Variants in CMTR1 observed in about 807,000 individuals in gnomAD.
CMTR1 encodes cap methyltransferase 1.
In CMTR1, 39 loss-of-function variants were observed where a neutral mutation model predicts 107.0. That is an observed-to-expected ratio of 0.36 (90% confidence interval 0.28 to 0.48). The LOEUF is 0.48. CMTR1 is among the 20% of genes least tolerant of loss of function. CMTR1 has a pLI of 0.99. For synonymous variants in CMTR1, 366 were observed against 379.5 expected, an observed-to-expected ratio of 0.96 and a Z score of 0.41; for missense variants, 672 against 1,064.9, an observed-to-expected ratio of 0.63 and a Z score of 5.14.
At position 37,481,145 on chromosome 6, in the gene CMTR1, C is replaced by G; in HGVS notation, c.*1000C>G. On this transcript the variant is annotated 3_prime_UTR_variant, in exon 24 of 24. Transcript: ENST00000373451. ...GGAGGTACAATCTGCTTTTGTTTGT[C>G]GTTAAGTGGTCACTCCCATTTCCTT... The G allele has an allele frequency of 1.5e-6, 2 of 1,303,172 alleles. No individual in the cohort carries two copies. The highest frequency in any genetic ancestry group is 2.1e-4 in the Middle Eastern group (1 of 4,694). The allele number at this position is 1,303,172 out of a possible 1,614,324, so 80.7% of individuals were successfully genotyped here. A position where few individuals can be genotyped will look rare whatever the true frequency, so the allele number is the denominator to read the frequency against.
rs1463827997 is a variant in CMTR1, at chr6:37,474,608, C to T, written c.1906C>T (p.Leu636=). The T allele has an allele frequency of 1.9e-6, 3 of 1,613,996 alleles. No homozygotes were observed. The African/African-American group carries it at 4.0e-5, about 22-fold the overall frequency. Residue 636 remains leucine (L), a synonymous_variant, in exon 18 of 24, where the codon CTG becomes TTG. Transcript: ENST00000373451. ...DLKTELPRDT[L]LSVEIVHELK... is the part of the protein sequence containing the mutation. ...GAAGACAGAGCTGCCCCGGGACACTCTGCTATCTGTGGAAATTGTGCATGA... is the reference window on the plus strand; with the variant it reads ...GAAGACAGAGCTGCCCCGGGACACTTTGCTATCTGTGGAAATTGTGCATGA...
At position 37,454,909 on chromosome 6, in the gene CMTR1, C is replaced by A. The variant is rs534969281; in HGVS notation, c.777+1597C>A. 6.6e-4 allele frequency among the ~76,000 whole-genome samples: 101 copies of A among 152,232 alleles called. 1 individual carries two copies. Among genetic ancestry groups the A allele is most frequent in the African/African-American group, 2.4e-3 (101 of 41,532 alleles). On this transcript the variant is annotated intron_variant, in intron 8 of 23. Transcript: ENST00000373451. Reference sequence around the variant, plus strand: ...TGTGGTTTTCAGGCCAGCAGAGACACTAGAGCAGTCCCCAGCAGAAGAGGG... The same window carrying A: ...TGTGGTTTTCAGGCCAGCAGAGACAATAGAGCAGTCCCCAGCAGAAGAGGG...
chr6:37,435,933 CCTA>C (rs1322551518), intron 2 of CMTR1, among the ~76,000 whole-genome samples, 171 bp downstream of exon 2: 1 of 152,218 alleles, frequency 6.6e-6, no homozygotes, highest in African/African-American at 2.4e-5. Flanking sequence ...CTGCCATTCT[CCTA>C]CTAAGAGTGG....
At chr6:37,434,176 T>A (rs186808735) in intron 1 of CMTR1, among the ~76,000 whole-genome samples, 187 of 152,142 alleles carry the variant, frequency 1.2e-3, no homozygotes, top group African/African-American at 4.1e-3. Context: ...TTGCTCAGTG[T>A]CTCCGGTTCT....
Position 37,435,685 on chromosome 6 carries a change from G to A in CMTR1, c.56G>A (p.Arg19Lys). Reference protein sequence around the residue: ...CTAPIKKQKKRVAELALSLSS... With the variant: ...CTAPIKKQKKKVAELALSLSS... ...GCCCCCATCAAGAAACAGAAAAAAA[G>A]AGTTGCAGAGCTTGCCCTGAGCCTC... Residue 19 changes from arginine (R) to lysine (K), a missense_variant, in exon 2 of 24, where the codon AGA becomes AAA. Coordinates refer to ENST00000373451, the MANE Select transcript of CMTR1 (RefSeq NM_015050.3). 6.2e-7 allele frequency: 1 copy of A among 1,603,466 alleles called. No individual in the cohort carries two copies. Among genetic ancestry groups the A allele is most frequent in the Non-Finnish European group, 8.5e-7 (1 of 1,175,990 alleles).
At chr6:37,454,342 C>T (rs6904652) in intron 8 of CMTR1, among the ~76,000 whole-genome samples, 12,894 of 152,272 alleles carry the variant, frequency 0.085, 977 homozygotes, top group African/African-American at 0.2. Context: ...GCATGTAGCC[C>T]CTCCAGCCAT....
At chr6:37,434,148 C>G (rs1318195625) in intron 1 of CMTR1, among the ~76,000 whole-genome samples, 1 of 151,962 alleles carries the variant, frequency 6.6e-6, no homozygotes, top group Non-Finnish European at 1.5e-5. Context: ...TGTGGCTTAG[C>G]TTGGTCTTGC....
chr6:37,446,543 AG>A, intron 4 of CMTR1, 94 bp downstream of exon 4: 1 of 1,405,382 alleles, frequency 7.1e-7, no homozygotes, highest in Non-Finnish European at 9.7e-7. Flanking sequence ...AAATCTCCAG[AG>A]GCAGTATGAG....
intron 6 of CMTR1, 74 bp downstream of exon 6, chr6:37,451,951 T>A: frequency 8.1e-7 from 1 of 1,228,364 alleles, no homozygotes; most frequent in Non-Finnish European, 1.2e-6. Context: ...CCATTTCTCC[T>A]TTGAGTGGGT....
Position 37,478,531 on chromosome 6 carries a change from G to A in CMTR1, c.2266+10G>A. ...GTCAGGACAGTGAATGGTGGGTGAG[G>A]AGGGACTGTTCCCGCCATCCCCTCC... On this transcript the variant is annotated intron_variant, in intron 22 of 23. Coordinates refer to ENST00000373451, the MANE Select transcript of CMTR1 (RefSeq NM_015050.3). 2 of 1,604,844 alleles carry A rather than the reference G, an allele frequency of 1.2e-6. No individual in the cohort carries two copies. Among genetic ancestry groups the A allele is most frequent in the East Asian group, 2.2e-5 (1 of 44,792 alleles).
At chr6:37,447,511 C>G (rs759053593) in intron 4 of CMTR1, among the ~76,000 whole-genome samples, 5 of 152,162 alleles carry the variant, frequency 3.3e-5, no homozygotes, top group Non-Finnish European at 5.9e-5. Flanking sequence ...AAACAAGAGT[C>G]CACATCCTTT....
chr6:37,428,002 CAGAGACAGAGAG>C, the CMTR1 span, among the ~76,000 whole-genome samples: 153 of 87,718 alleles, frequency 1.7e-3, no homozygotes, highest in African/African-American at 5.5e-3. Context: ...ACCTAAGCAA[CAGAGACAGAGAG>C]AGAGAGAGAG....
intron 20 of CMTR1, 38 bp downstream of exon 20, chr6:37,476,232 G>A (rs923280765): frequency 3.1e-6 from 5 of 1,604,448 alleles, no homozygotes; most frequent in Non-Finnish European, 4.3e-6. Context: ...CTTCTTTCTG[G>A]CCAGTACCTG....
At chr6:37,465,163 G>A (rs1481587672) in intron 13 of CMTR1, among the ~76,000 whole-genome samples, 1 of 151,890 alleles carries the variant, frequency 6.6e-6, no homozygotes, top group Non-Finnish European at 1.5e-5. Context: ...AGCTACTGGG[G>A]AGGCTGAGGC....
intron 2 of CMTR1, among the ~76,000 whole-genome samples, chr6:37,438,483 G>A (rs763175413): frequency 6.6e-6 from 1 of 152,164 alleles, no homozygotes; most frequent in Non-Finnish European, 1.5e-5. Context: ...GAGATGGGAG[G>A]CAGAGGCAAA....
In CMTR1 at chr6:37,443,873, G is replaced by T. The variant is rs140884378; in HGVS notation, c.134-126G>T. 236 of 1,034,826 alleles carry T rather than the reference G, an allele frequency of 2.3e-4. 1 individual carries two copies. In the East Asian group the frequency reaches 2.8e-3, roughly 12 times the overall value. The allele number at this position is 1,034,826 out of a possible 1,614,324, so 64.1% of individuals were successfully genotyped here. ...GAGGTAGAAAATAGATTTGACCTTG[G>T]GTCATTTAATGAACTTTATATGTGC... On this transcript the variant is annotated intron_variant, in intron 2 of 23. Coordinates refer to ENST00000373451, the MANE Select transcript of CMTR1 (RefSeq NM_015050.3).
Position 37,462,941 on chromosome 6 carries a change from G to A in CMTR1, c.1438G>A (p.Val480Met), listed in dbSNP as rs773754901. ...LRNTDSDVNL[V>M]VPLEVIKGDH... ...GAACACGGATTCCGACGTCAACTTG[G>A]TGGTCCCCCTGGAGGTGATCAAGGG... The change falls in exon 13 of 24, where the codon GTG (valine) becomes ATG (methionine). Residue 480 changes from valine (V) to methionine (M), a missense_variant. Around this residue, in one of 2 missense-constraint regions of CMTR1, gnomAD observed 583 missense variants for 968.4 expected, o/e 0.60. Coordinates refer to ENST00000373451, the MANE Select transcript of CMTR1 (RefSeq NM_015050.3). The A allele has an allele frequency of 3.7e-6, 6 of 1,614,222 alleles. No individual in the cohort carries two copies. In the Admixed American group the frequency reaches 1.0e-4, roughly 27 times the overall value.
At chr6:37,437,306 C>G (rs544958010) in intron 2 of CMTR1, among the ~76,000 whole-genome samples, 13 of 150,570 alleles carry the variant, frequency 8.6e-5, no homozygotes, top group Non-Finnish European at 1.6e-4. Context: ...GTGGGCGGAT[C>G]ACGAGGTCAG....
intron 4 of CMTR1, 40 bp downstream of exon 4, chr6:37,446,489 T>A (rs764024695): frequency 6.3e-7 from 1 of 1,583,942 alleles, no homozygotes; most frequent in Admixed American, 1.8e-5. Context: ...AAGCCACTTG[T>A]GTTTTTGGAT....
Sources: gnomAD v4.1 joint callset for allele counts (sites outside exome capture counted in the v4.1 genomes callset) on GRCh38, gnomAD v4.1.1 for gene constraint, gnomAD v4.1.1 regional missense constraint, MANE v1.5 for transcripts, NCBI Gene and HGNC (gene_info 2026-07-23, HGNC 2026-07-21) for gene names.